Variants in ELOVL6 observed in about 807,000 individuals in gnomAD.
ELOVL6 encodes very long chain fatty acid elongase 6.
In ELOVL6, 8 loss-of-function variants were observed where a neutral mutation model predicts 31.7. The observed-to-expected ratio is 0.25, with a 90% confidence interval of 0.15 to 0.45. The LOEUF is 0.45. Among genes scored for constraint, ELOVL6 ranks in the 20% least tolerant of loss-of-function variants. The probability of loss-of-function intolerance (pLI) is 1.00; values close to 1 mark genes in which losing one functional copy is unlikely to be tolerated. For missense variants in ELOVL6, 126 were observed against 326.4 expected (o/e 0.39, Z 4.73); for synonymous variants, 101 against 117.7 (o/e 0.86, Z 0.92).
chr4:110,084,385 C>G (rs1359001225), intron 2 of ELOVL6, among the ~76,000 whole-genome samples: 15 of 61,028 alleles, frequency 2.5e-4, no homozygotes, highest in East Asian at 1.8e-3. Context: ...TGATATATAT[C>G]GCATATATGA....
At chr4:110,069,935 C>T (rs1029994629) in intron 2 of ELOVL6, among the ~76,000 whole-genome samples, 1 of 152,190 alleles carries the variant, frequency 6.6e-6, no homozygotes. Flanking sequence ...CCTGTTCTCC[C>T]TCTACAACCC....
intron 2 of ELOVL6, among the ~76,000 whole-genome samples, chr4:110,061,549 C>CTTTTTTTTTTGTTTTTTTTTTTTTT (rs1755139175): frequency 1.4e-5 from 1 of 72,366 alleles, no homozygotes; most frequent in African/African-American, 5.0e-5. Flanking sequence ...CAAATGATGG[C>CTTTTTTTTTTGTTTTTTTTTTTTTT]TTTTTTTTTT....
Position 110,054,916 on chromosome 4 carries a change from A to C in ELOVL6, c.374-3154T>G, listed in dbSNP as rs1336580025. ...CAAAATTAATTTAAATTTGCTTAGG[A>C]GTTTTTTCCAGAACACATATGCACG... On this transcript the variant is annotated intron_variant, in intron 3 of 3. Coordinates refer to ENST00000302274, the MANE Select transcript of ELOVL6 (RefSeq NM_024090.3). Among the ~76,000 whole-genome samples the C allele has an allele frequency of 2.6e-5, 4 of 152,230 alleles. No homozygotes were observed. The East Asian group carries it at 5.8e-4, about 22-fold the overall frequency.
chr4:110,137,895 T>A (rs1412060074), intron 1 of ELOVL6, among the ~76,000 whole-genome samples: 2 of 152,224 alleles, frequency 1.3e-5, no homozygotes, highest in Non-Finnish European at 2.9e-5. Flanking sequence ...GTATCTCATG[T>A]AGCACCTACA....
chr4:110,175,329 C>T (rs1014203008), intron 1 of ELOVL6, among the ~76,000 whole-genome samples: 2 of 151,938 alleles, frequency 1.3e-5, no homozygotes, highest in African/African-American at 4.8e-5. Flanking sequence ...TTGCAGTGAG[C>T]CAACATTGCG....
chr4:110,152,738 G>T (rs1758311837), intron 1 of ELOVL6, among the ~76,000 whole-genome samples: 1 of 152,208 alleles, frequency 6.6e-6, no homozygotes, highest in South Asian at 2.1e-4. Flanking sequence ...AGTGAGGATT[G>T]TGACAACCAG....
chr4:110,127,022 A>C (rs1251380300), intron 1 of ELOVL6, among the ~76,000 whole-genome samples: 2 of 152,206 alleles, frequency 1.3e-5, no homozygotes, highest in Non-Finnish European at 2.9e-5. Flanking sequence ...GACTTTGAAA[A>C]GAGAGGAAAA....
intron 1 of ELOVL6, among the ~76,000 whole-genome samples, chr4:110,197,242 G>A (rs1251534799): frequency 1.3e-5 from 2 of 152,250 alleles, no homozygotes; most frequent in Non-Finnish European, 2.9e-5. Context: ...CCGAAGTTAA[G>A]GGGAGGAGAG....
intron 2 of ELOVL6, among the ~76,000 whole-genome samples, chr4:110,096,563 G>A (rs904625222): frequency 6.6e-6 from 1 of 152,126 alleles, no homozygotes; most frequent in Non-Finnish European, 1.5e-5. Flanking sequence ...TTATTCAAGG[G>A]GGTGGGTGGG....
intron 1 of ELOVL6, among the ~76,000 whole-genome samples, 153 bp from the exon 2 acceptor site, chr4:110,105,781 G>C (rs1756869817): frequency 6.6e-6 from 1 of 152,204 alleles, no homozygotes; most frequent in Non-Finnish European, 1.5e-5. Flanking sequence ...CGGCAAACTA[G>C]TGTTCTGTTG....
chr4:110,056,128 G>GGGGGGGGGGT (rs1754979380), intron 3 of ELOVL6, among the ~76,000 whole-genome samples: 1 of 143,190 alleles, frequency 7.0e-6, no homozygotes, highest in Admixed American at 6.8e-5. Context: ...GAGCTGGGGG[G>GGGGGGGGGGT]GGGGATACAG....
chr4:110,081,715 A>T (rs1016554387), intron 2 of ELOVL6, among the ~76,000 whole-genome samples: 12 of 151,258 alleles, frequency 7.9e-5, no homozygotes, highest in African/African-American at 2.9e-4. Context: ...ACTAAAAGCA[A>T]GGGCAACAAA....
chr4:110,189,787 T>A (rs1759559005), intron 1 of ELOVL6, among the ~76,000 whole-genome samples: 1 of 151,478 alleles, frequency 6.6e-6, no homozygotes, highest in South Asian at 2.1e-4. Flanking sequence ...GCTAACACAG[T>A]GAAACCCCGT....
intron 1 of ELOVL6, among the ~76,000 whole-genome samples, chr4:110,128,944 T>G (rs993098201): frequency 6.6e-6 from 1 of 152,160 alleles, no homozygotes; most frequent in Admixed American, 6.5e-5. Context: ...GATAGATAAG[T>G]AGGTAACTGA....
At chr4:110,085,173 TGG>T (rs1426868128) in intron 2 of ELOVL6, among the ~76,000 whole-genome samples, 2 of 152,096 alleles carry the variant, frequency 1.3e-5, no homozygotes, top group Non-Finnish European at 2.9e-5. Context: ...GTGCATGCGT[TGG>T]AGGGATGTGG....
chr4:110,106,232 C>T (rs1756886123), intron 1 of ELOVL6, among the ~76,000 whole-genome samples: 1 of 152,080 alleles, frequency 6.6e-6, no homozygotes, highest in African/African-American at 2.4e-5. Flanking sequence ...TGGTGGGCAC[C>T]TGTAATCTTA....
At chr4:110,060,467 TCTC>T (rs1755105423) in intron 2 of ELOVL6, among the ~76,000 whole-genome samples, 1 of 152,088 alleles carries the variant, frequency 6.6e-6, no homozygotes, top group African/African-American at 2.4e-5. Context: ...ATGTGTTTAA[TCTC>T]CACATAGGCA....
At chr4:110,078,574 G>T (rs1755726882) in intron 2 of ELOVL6, among the ~76,000 whole-genome samples, 1 of 152,140 alleles carries the variant, frequency 6.6e-6, no homozygotes, top group Non-Finnish European at 1.5e-5. Context: ...TGCCCTAAAA[G>T]AGCTCCTGAA....
At chr4:110,059,793 A>G (rs1487091830) in intron 2 of ELOVL6, 39 bp from the exon 3 acceptor site, 1 of 1,577,848 alleles carries the variant, frequency 6.3e-7, no homozygotes. Flanking sequence ...CATTTAGGAA[A>G]ATAGTTTCAC....
Sources: allele counts gnomAD v4.1 joint callset (sites outside exome capture counted in the v4.1 genomes callset), GRCh38; gene constraint gnomAD v4.1.1; transcripts MANE v1.5; gene names NCBI Gene and HGNC (gene_info 2026-07-23, HGNC 2026-07-21).